Variants in VCL observed in about 807,000 individuals in gnomAD.
VCL encodes vinculin.
A neutral mutation model predicts 125.7 loss-of-function variants in VCL; 47 were observed. The ratio of observed to expected loss-of-function variants is 0.37; its 90% CI spans 0.30 to 0.48. VCL has a LOEUF of 0.48. Ranked by LOEUF, VCL falls within the 20% of genes least tolerant of loss-of-function variation. The pLI, the probability that VCL is intolerant of heterozygous loss-of-function variation, is 0.99. For missense variants in VCL, 1,069 were observed against 1,455.5 expected (o/e 0.73, Z 4.32); for synonymous variants, 458 against 514.6 (o/e 0.89, Z 1.49).
chr10:74,076,899 A>C (rs2136276796), intron 6 of VCL: 1 of 152,786 alleles, frequency 6.5e-6, no homozygotes, highest in Non-Finnish European at 1.5e-5. Context: ...TATTTTCAGA[A>C]GGGAAAAGCT....
chr10:74,057,150 G>C (rs1435042896), intron 2 of VCL, among the ~76,000 whole-genome samples: 1 of 151,934 alleles, frequency 6.6e-6, no homozygotes, highest in Non-Finnish European at 1.5e-5. Context: ...TCGCTACGTA[G>C]TCTAGGCTGT....
At chr10:74,003,603 T>C (rs1840268448) in intron 1 of VCL, among the ~76,000 whole-genome samples, 1 of 152,206 alleles carries the variant, frequency 6.6e-6, no homozygotes, top group African/African-American at 2.4e-5. Context: ...TGGGAGTTTT[T>C]TGTGGCCTTG....
intron 1 of VCL, among the ~76,000 whole-genome samples, chr10:74,005,826 A>G (rs1443024696): frequency 1.3e-5 from 2 of 152,166 alleles, no homozygotes; most frequent in African/African-American, 2.4e-5. Flanking sequence ...AATGTTATAA[A>G]TAGTTATACT....
At chr10:74,016,866 T>C (rs1388094733) in intron 1 of VCL, 1 of 152,234 alleles carries the variant, frequency 6.6e-6, no homozygotes, top group Non-Finnish European at 1.5e-5. Context: ...CTCTGTGAAT[T>C]TGACTACTCT....
intron 2 of VCL, among the ~76,000 whole-genome samples, chr10:74,049,630 G>A (rs1197236646): frequency 6.6e-6 from 1 of 152,154 alleles, no homozygotes; most frequent in Non-Finnish European, 1.5e-5. Flanking sequence ...TGTGGGGAGA[G>A]GGGCACATGG....
intron 1 of VCL, among the ~76,000 whole-genome samples, chr10:74,027,033 A>G (rs1591658859): frequency 6.6e-6 from 1 of 152,352 alleles, no homozygotes; most frequent in East Asian, 1.9e-4. Context: ...AACTGAAACT[A>G]TTAAGGAAAA....
intron 17 of VCL, 31 bp downstream of exon 17, chr10:74,107,385 G>T: frequency 2.5e-6 from 4 of 1,614,140 alleles, no homozygotes; most frequent in Non-Finnish European, 3.4e-6. Flanking sequence ...AGAGAATTGA[G>T]CAGGAAGGTG....
In VCL at chr10:74,114,888, G is replaced by A. The variant is rs1490943193; in HGVS notation, c.3247G>A (p.Glu1083Lys). 1 of 1,594,068 alleles carries A rather than the reference G, an allele frequency of 6.3e-7. No homozygotes were observed. Among genetic ancestry groups the A allele is most frequent in the South Asian group, 1.1e-5 (1 of 87,836 alleles). Reference sequence around the variant, plus strand: ...GGGCCGGACCAACATCAGTGATGAGGAGTCTGAGCAGGTATGTGGCAGCTG... The same window carrying A: ...GGGCCGGACCAACATCAGTGATGAGAAGTCTGAGCAGGTATGTGGCAGCTG... ...MLGRTNISDE[E>K]SEQATEMLVH... The change falls in exon 21 of 22, where the codon GAG (glutamate) becomes AAG (lysine). Residue 1083 changes from glutamate (E) to lysine (K), a missense_variant. Physicochemically the swap from Glu to Lys is moderately conservative, Grantham distance 56. Around this residue, in one of 6 missense-constraint regions of VCL, gnomAD observed 91 missense variants for 203.9 expected, o/e 0.45. Transcript: ENST00000211998.
rs936609174 is a variant in VCL, at chr10:74,052,398, A to G, written c.239+9245A>G. On this transcript the variant is annotated intron_variant, in intron 2 of 21. Coordinates refer to ENST00000211998, the MANE Select transcript of VCL (RefSeq NM_014000.3). ...AGTTTTTTTTTTTTTTTTTTTTGAG[A>G]CGGAGTCTCACTCTGTAGCACAAGT... is the stretch of plus-strand genomic sequence containing the variant. Among the ~76,000 whole-genome samples, 76 of 120,340 alleles carry G rather than the reference A, an allele frequency of 6.3e-4. 1 individual carries two copies. In the East Asian group the frequency reaches 0.017, roughly 28 times the overall value. 78.9% of individuals were successfully genotyped at this position (120,340 alleles called of 152,430 possible).
At chr10:74,092,585 C>T (rs1839906798) in intron 10 of VCL, among the ~76,000 whole-genome samples, 1 of 152,194 alleles carries the variant, frequency 6.6e-6, no homozygotes, top group African/African-American at 2.4e-5. Flanking sequence ...CTGTTTCACC[C>T]TGTGTGTTGA....
chr10:74,090,296 A>G, intron 10 of VCL, 98 bp downstream of exon 10: 2 of 1,376,150 alleles, frequency 1.5e-6, no homozygotes, highest in Middle Eastern at 2.4e-4. Context: ...AAGAACATAC[A>G]TATTTCAATT....
At position 73,998,140 on chromosome 10, in the gene VCL, GCCGGTTC is replaced by G; in HGVS notation, c.-63_-57del. 6.3e-7 allele frequency: 1 copy of G among 1,575,912 alleles called. No individual in the cohort carries two copies. The highest frequency in any genetic ancestry group is 8.6e-7 in the Non-Finnish European group (1 of 1,161,554). Reference sequence around the variant, plus strand: ...TAGTCGCTGCACAGTCTGTCTCTTCGCCGGTTCCCGGCCCCGTGGATCCTACTTCTCT... The same window carrying G: ...TAGTCGCTGCACAGTCTGTCTCTTCGCCGGCCCCGTGGATCCTACTTCTCT... On this transcript the variant is annotated 5_prime_UTR_variant, in exon 1 of 22. Coordinates refer to ENST00000211998, the MANE Select transcript of VCL (RefSeq NM_014000.3).
At chr10:74,101,219 G>GT in intron 14 of VCL, 122 bp downstream of exon 14, 1 of 1,373,676 alleles carries the variant, frequency 7.3e-7, no homozygotes, top group Non-Finnish European at 1.0e-6. Context: ...GGCCAGCACG[G>GT]TAGCACCTAT....
chr10:74,117,406 G>A (rs1049457434), intron 21 of VCL, among the ~76,000 whole-genome samples: 8 of 152,212 alleles, frequency 5.3e-5, no homozygotes, highest in African/African-American at 1.9e-4. Context: ...TGTAGTCTTA[G>A]CACTTTGGGA....
chr10:74,103,722 C>T lies in VCL; in HGVS notation c.2023-98C>T. 7 of 1,148,634 alleles carry T rather than the reference C, an allele frequency of 6.1e-6. No individual in the cohort carries two copies. The South Asian group carries it at 6.2e-5, about 10-fold the overall frequency. The allele number at this position is 1,148,634 out of a possible 1,614,324, so 71.2% of individuals were successfully genotyped here. ...AGAGACTTGCCACTTTCTGGCTTTA[C>T]AGTGCCATCTGTAGGTAAAGAGGAG... is the stretch of plus-strand genomic sequence containing the variant. On this transcript the variant is annotated intron_variant, in intron 14 of 21. Coordinates refer to ENST00000211998, the MANE Select transcript of VCL (RefSeq NM_014000.3).
chr10:74,072,971 TCA>T, intron 5 of VCL, 119 bp downstream of exon 5: 1 of 1,432,614 alleles, frequency 7.0e-7, no homozygotes, highest in South Asian at 1.2e-5. Context: ...AGATGAAGTC[TCA>T]CTCTGTTGCC....
At chr10:74,002,102 T>G (rs12250729) in intron 1 of VCL, among the ~76,000 whole-genome samples, 44,400 of 152,080 alleles carry the variant, frequency 0.29, 6,766 homozygotes, top group African/African-American at 0.38. Context: ...GTGATGCCTG[T>G]CACAATCAGT....
chr10:74,036,238 T>C (rs1186037615), intron 1 of VCL, among the ~76,000 whole-genome samples: 1 of 152,222 alleles, frequency 6.6e-6, no homozygotes, highest in East Asian at 1.9e-4. Flanking sequence ...GTTTTGCTTT[T>C]GTCGCCCAGG....
intron 20 of VCL, 72 bp from the exon 21 acceptor site, chr10:74,114,723 G>T (rs963600423): frequency 1.4e-6 from 2 of 1,468,874 alleles, no homozygotes; most frequent in South Asian, 1.2e-5. Context: ...ACAGAGGTAG[G>T]TAAGTCTTGC....
Sources: gnomAD v4.1 joint callset for allele counts (sites outside exome capture counted in the v4.1 genomes callset) on GRCh38, gnomAD v4.1.1 for gene constraint, gnomAD v4.1.1 regional missense constraint, MANE v1.5 for transcripts, NCBI Gene and HGNC (gene_info 2026-07-23, HGNC 2026-07-21) for gene names.